Variants in ABCA4 observed in about 807,000 individuals in gnomAD.
The protein encoded by ABCA4 is ATP binding cassette subfamily A member 4, also known as retinal-specific phospholipid-transporting ATPase ABCA4.
In ABCA4, 196 loss-of-function variants were observed where a neutral mutation model predicts 263.7. The observed-to-expected ratio is 0.74, with a 90% CI of 0.66 to 0.84. The LOEUF is 0.84. Among genes scored for constraint, ABCA4 ranks in the 40% least tolerant of loss-of-function variants. ABCA4 has a pLI of 0.00. For synonymous variants in ABCA4, 1,133 were observed against 1,094.2 expected (o/e 1.04, Z -0.70); for missense variants, 2,792 against 2,855.1 (o/e 0.98, Z 0.50).
intron 49 of ABCA4, 89 bp downstream of exon 49, chr1:93,996,020 G>T: frequency 8.1e-7 from 1 of 1,240,282 alleles, no homozygotes; most frequent in Non-Finnish European, 1.2e-6. Context: ...GCATATCTGA[G>T]CCTTGGAGCA....
intron 19 of ABCA4, among the ~76,000 whole-genome samples, chr1:94,046,455 CAAAAAA>C (rs61333901): frequency 7.1e-5 from 3 of 42,240 alleles, no homozygotes; most frequent in African/African-American, 2.4e-4. Flanking sequence ...GTTACTATCT[CAAAAAA>C]AAAAAAAAAA....
At chr1:94,097,212 G>A (rs1201631799) in intron 6 of ABCA4, among the ~76,000 whole-genome samples, 2 of 152,142 alleles carry the variant, frequency 1.3e-5, no homozygotes, top group African/African-American at 4.8e-5. Flanking sequence ...GGCATCCCTA[G>A]GCTCTGACCC....
chr1:94,075,715 C>A (rs923790832), intron 11 of ABCA4, among the ~76,000 whole-genome samples: 1 of 152,242 alleles, frequency 6.6e-6, no homozygotes, highest in African/African-American at 2.4e-5. Flanking sequence ...CCCTACCTTC[C>A]AACAGTTCTA....
chr1:94,072,100 GGGT>G (rs1392714298), intron 11 of ABCA4, among the ~76,000 whole-genome samples: 1 of 152,168 alleles, frequency 6.6e-6, no homozygotes, highest in African/African-American at 2.4e-5. Context: ...CATTCTGTTT[GGGT>G]GGTGGTGGCA....
chr1:94,092,888 T>C (rs56160069), intron 6 of ABCA4, among the ~76,000 whole-genome samples: 1,912 of 152,346 alleles, frequency 0.013, 21 homozygotes, highest in African/African-American at 0.033. Flanking sequence ...AAAATGCTTT[T>C]TGTTCAAAGT....
chr1:94,008,008 AAAT>A lies in ABCA4; in HGVS notation c.5898+224_5898+226del, dbSNP rs558090925. 4.3e-3 allele frequency among the ~76,000 whole-genome samples: 660 copies of A among 152,364 alleles called. 4 individuals carry two copies. The highest frequency in any genetic ancestry group is 0.031 in the Middle Eastern group (9 of 294). ...AAGGTTTTCTATTAATTACATTTTG[AAAT>A]AATATTTTGGTTATATTGAGTAAAA... On this transcript the variant is annotated intron_variant, in intron 42 of 49. Coordinates refer to ENST00000370225, the MANE Select transcript of ABCA4 (RefSeq NM_000350.3).
At chr1:94,043,096 C>T (rs1272599491) in intron 21 of ABCA4, among the ~76,000 whole-genome samples, 198 bp from the exon 22 acceptor site, 1 of 152,236 alleles carries the variant, frequency 6.6e-6, no homozygotes, top group Non-Finnish European at 1.5e-5. Context: ...CTCCTCGGAT[C>T]AGACCCTTTG....
chr1:94,062,499 G>A (rs1028094062), intron 13 of ABCA4, 78 bp downstream of exon 13: 14 of 1,551,432 alleles, frequency 9.0e-6, no homozygotes, highest in Non-Finnish European at 1.2e-5. Context: ...AGCCTTGAGG[G>A]CACCCCCAGC....
rs181671427 is a variant in ABCA4 at position 94,099,292 on chromosome 1, A to G, written c.571-301T>C. Reference sequence around the variant, plus strand: ...CTGGCCTTGGAGATGGAAGCAGACCACTAGCCAAAGAATGTGGCGTGTCTC... The same window carrying G: ...CTGGCCTTGGAGATGGAAGCAGACCGCTAGCCAAAGAATGTGGCGTGTCTC... On this transcript the variant is annotated intron_variant, in intron 5 of 49. Transcript: ENST00000370225. Among the ~76,000 whole-genome samples the G allele has an allele frequency of 2.8e-4, 42 of 152,318 alleles. 1 individual carries two copies. The highest frequency in any genetic ancestry group is 3.4e-3 in the Middle Eastern group (1 of 294).
At chr1:94,062,775 A>G (rs778508149) in intron 12 of ABCA4, 22 bp from the exon 13 acceptor site, 5 of 1,612,306 alleles carry the variant, frequency 3.1e-6, no homozygotes, top group Non-Finnish European at 4.2e-6. Flanking sequence ...CAGAGGGACA[A>G]AGGATGGGAA....
At chr1:94,054,383 G>A (rs544420197) in intron 16 of ABCA4, among the ~76,000 whole-genome samples, 6 of 152,310 alleles carry the variant, frequency 3.9e-5, no homozygotes, top group South Asian at 2.1e-4. Context: ...GTAGGGTAAG[G>A]GGACAGGAAC....
chr1:94,112,226 G>A (rs12745358), intron 2 of ABCA4, among the ~76,000 whole-genome samples: 28,084 of 152,106 alleles, frequency 0.18, 3,238 homozygotes, highest in Middle Eastern at 0.35. Context: ...TTCCTTTCAG[G>A]TCTGCAGACA....
chr1:94,097,368 C>T lies in ABCA4; in HGVS notation c.768+1426G>A, dbSNP rs56318111. ...TTTCATGTTGCTTCATTTTTAAAAG[C>T]CTTCAGCTTGCTTTTTAAGACAAGC... On this transcript the variant is annotated intron_variant, in intron 6 of 49. Coordinates refer to ENST00000370225, the MANE Select transcript of ABCA4 (RefSeq NM_000350.3). Among the ~76,000 whole-genome samples, 292 of 152,244 alleles carry T rather than the reference C, an allele frequency of 1.9e-3. 3 individuals carry two copies. Among genetic ancestry groups the T allele is most frequent in the Middle Eastern group, 6.8e-3 (2 of 294 alleles).
At chr1:94,021,460 C>T (rs769331211) in intron 34 of ABCA4, 51 bp from the exon 35 acceptor site, 11 of 1,611,426 alleles carry the variant, frequency 6.8e-6, no homozygotes, top group Non-Finnish European at 9.3e-6. Flanking sequence ...CTAGTTAAAG[C>T]AGAAATCAGT....
intron 47 of ABCA4, among the ~76,000 whole-genome samples, chr1:93,999,363 C>T (rs1659111741): frequency 6.6e-6 from 1 of 152,194 alleles, no homozygotes; most frequent in Admixed American, 6.5e-5. Flanking sequence ...GTAGTTTTAG[C>T]CCAGTGTGGG....
At chr1:94,101,823 C>T (rs1357006964) in intron 5 of ABCA4, among the ~76,000 whole-genome samples, 3 of 152,248 alleles carry the variant, frequency 2.0e-5, no homozygotes, top group Non-Finnish European at 2.9e-5. Context: ...GCAGCTCTCA[C>T]ACCTGAGCCT....
rs564824679 is a variant in ABCA4, at chr1:94,040,196, G to C, written c.3523-69C>G. On this transcript the variant is annotated intron_variant, in intron 23 of 49. Transcript: ENST00000370225. ...CCATGACAGCCTCTCCCTGATGCCA[G>C]CTGCTGTCACCGCCCGCTTTATTTA... The C allele has an allele frequency of 4.6e-6, 6 of 1,294,464 alleles. No individual in the cohort carries two copies. The African/African-American group carries it at 7.3e-5, about 16-fold the overall frequency. 80.2% of individuals were successfully genotyped at this position (1,294,464 alleles called of 1,614,324 possible). A position where few individuals can be genotyped will look rare whatever the true frequency, so the allele number is the denominator to read the frequency against.
chr1:94,063,109 C>T lies in ABCA4; in HGVS notation c.1760+3G>A. ...ATGCAGCGAGCCCTTCCTGAAACAT[C>T]ACCTGTCTTTAATCTTATTGGTTTT... On this transcript the variant is annotated splice_donor_region_variant and intron_variant, in intron 12 of 49. Coordinates refer to ENST00000370225, the MANE Select transcript of ABCA4 (RefSeq NM_000350.3). 6.2e-7 allele frequency: 1 copy of T among 1,612,240 alleles called. No individual in the cohort carries two copies. Among genetic ancestry groups the T allele is most frequent in the Non-Finnish European group, 8.5e-7 (1 of 1,178,758 alleles).
chr1:94,069,115 G>T (rs976478765), intron 11 of ABCA4, among the ~76,000 whole-genome samples: 3 of 152,198 alleles, frequency 2.0e-5, no homozygotes, highest in Admixed American at 2.0e-4. Flanking sequence ...CCTCTCCAGC[G>T]CAGGCAGCTG....
Sources: allele counts gnomAD v4.1 joint callset (sites outside exome capture counted in the v4.1 genomes callset), GRCh38; gene constraint gnomAD v4.1.1; transcripts MANE v1.5; gene names NCBI Gene and HGNC (gene_info 2026-07-23, HGNC 2026-07-21).